TMEM132D: variants seen among roughly 807,000 people sequenced by gnomAD.
The protein encoded by TMEM132D is mature OL transmembrane protein.
A neutral mutation model predicts 62.3 loss-of-function variants in TMEM132D; 21 were observed. That is an observed-to-expected ratio of 0.34 (90% CI 0.24 to 0.49). The LOEUF is 0.49. Among genes scored for constraint, TMEM132D ranks in the 20% least tolerant of loss-of-function variants. The pLI is 0.99. For missense variants in TMEM132D, 1,346 were observed against 1,402.8 expected (o/e 0.96, Z 0.65); for synonymous variants, 621 against 575.6 (o/e 1.08, Z -1.13).
chr12:129,333,455 A>T (rs1183820893), intron 4 of TMEM132D, among the ~76,000 whole-genome samples: 3 of 152,214 alleles, frequency 2.0e-5, no homozygotes, highest in African/African-American at 7.2e-5. Context: ...TGGTAGTGTC[A>T]TGGAGATATA....
intron 1 of TMEM132D, among the ~76,000 whole-genome samples, chr12:129,844,224 T>C (rs1873287486): frequency 6.6e-6 from 1 of 152,246 alleles, no homozygotes; most frequent in African/African-American, 2.4e-5. Context: ...ATGACACTTA[T>C]TTTTAATGAC....
rs930568527 is a variant in TMEM132D, at chr12:129,505,343, T to C, written c.1115+25716A>G. Among the ~76,000 whole-genome samples, 5 of 151,916 alleles carry C rather than the reference T, an allele frequency of 3.3e-5. No individual in the cohort carries two copies. The East Asian group carries it at 9.7e-4, about 30-fold the overall frequency. ...CTGCAAGCTCCGCCTCCCGGGTTCA[T>C]GCCATTCTCCTGCCTCAGCCTCCCA... On this transcript the variant is annotated intron_variant, in intron 3 of 8. Coordinates refer to ENST00000422113, the MANE Select transcript of TMEM132D (RefSeq NM_133448.3).
intron 3 of TMEM132D, among the ~76,000 whole-genome samples, chr12:129,471,982 C>T (rs934434937): frequency 6.6e-6 from 1 of 152,212 alleles, no homozygotes; most frequent in African/African-American, 2.4e-5. Flanking sequence ...ATTAATAAGG[C>T]TTAACAGAAT....
At chr12:129,608,496 T>C (rs1189522535) in intron 2 of TMEM132D, among the ~76,000 whole-genome samples, 1 of 152,162 alleles carries the variant, frequency 6.6e-6, no homozygotes, top group Non-Finnish European at 1.5e-5. Context: ...ATTTGGCAAA[T>C]ATCTGACACT....
intron 3 of TMEM132D, among the ~76,000 whole-genome samples, chr12:129,464,002 G>C (rs2137041521): frequency 6.6e-6 from 1 of 150,560 alleles, no homozygotes; most frequent in South Asian, 2.2e-4. Flanking sequence ...TAATGGGATG[G>C]CTGGGTCAAA....
At position 129,073,794 on chromosome 12, in the gene TMEM132D, T is replaced by C; in HGVS notation, c.*81A>G. 1 of 1,277,836 alleles carries C rather than the reference T, an allele frequency of 7.8e-7. No homozygotes were observed. Among genetic ancestry groups the C allele is most frequent in the Non-Finnish European group, 1.1e-6 (1 of 920,374 alleles). 79.2% of individuals were successfully genotyped at this position (1,277,836 alleles called of 1,614,324 possible). On this transcript the variant is annotated 3_prime_UTR_variant, in exon 9 of 9. Coordinates refer to ENST00000422113, the MANE Select transcript of TMEM132D (RefSeq NM_133448.3). Reference sequence around the variant, plus strand: ...TTATTTTGTCCTGCTGCTTTGTTTCTCTTCCGGGGGCACCGTTGCTACACA... The same window carrying C: ...TTATTTTGTCCTGCTGCTTTGTTTCCCTTCCGGGGGCACCGTTGCTACACA...
At chr12:129,278,788 A>C (rs1252460731) in intron 4 of TMEM132D, among the ~76,000 whole-genome samples, 1 of 152,228 alleles carries the variant, frequency 6.6e-6, no homozygotes, top group East Asian at 1.9e-4. Context: ...AGAAATTAGC[A>C]GGAGACAGGA....
intron 2 of TMEM132D, among the ~76,000 whole-genome samples, chr12:129,588,627 T>C (rs982396443): frequency 2.6e-5 from 4 of 151,780 alleles, no homozygotes; most frequent in Admixed American, 6.6e-5. Context: ...CAGGCTGGAG[T>C]GCAGTGGCGC....
intron 3 of TMEM132D, among the ~76,000 whole-genome samples, chr12:129,420,789 C>T (rs1872295707): frequency 1.3e-5 from 2 of 152,128 alleles, no homozygotes; most frequent in African/African-American, 4.8e-5. Context: ...TACCTTTTGA[C>T]ATTGAACACT....
At chr12:129,182,077 G>C (rs752916898) in intron 5 of TMEM132D, among the ~76,000 whole-genome samples, 1 of 152,128 alleles carries the variant, frequency 6.6e-6, no homozygotes, top group East Asian at 1.9e-4. Context: ...AGAAAGAGGA[G>C]CTGGCCAGGC....
intron 4 of TMEM132D, among the ~76,000 whole-genome samples, chr12:129,303,060 A>G (rs1218432739): frequency 6.6e-6 from 1 of 152,138 alleles, no homozygotes; most frequent in Non-Finnish European, 1.5e-5. Flanking sequence ...TGTTCAATCC[A>G]TCAGCAAGCA....
At chr12:129,473,023 C>T (rs1325165527) in intron 3 of TMEM132D, among the ~76,000 whole-genome samples, 1 of 152,106 alleles carries the variant, frequency 6.6e-6, no homozygotes, top group Non-Finnish European at 1.5e-5. Flanking sequence ...TGCCACCACG[C>T]CCGGCTAATT....
intron 4 of TMEM132D, among the ~76,000 whole-genome samples, chr12:129,256,624 G>A (rs1880407480): frequency 1.3e-5 from 2 of 152,170 alleles, no homozygotes; most frequent in South Asian, 4.1e-4. Context: ...GTTTCGCGAT[G>A]TTGGCTAGGC....
At chr12:129,631,481 T>G (rs908630197) in intron 2 of TMEM132D, among the ~76,000 whole-genome samples, 1 of 152,212 alleles carries the variant, frequency 6.6e-6, no homozygotes, top group African/African-American at 2.4e-5. Context: ...CTCGAGAAGT[T>G]GCACACTAAC....
chr12:129,901,828 G>T (rs898038473), intron 1 of TMEM132D, among the ~76,000 whole-genome samples: 1 of 151,450 alleles, frequency 6.6e-6, no homozygotes, highest in Non-Finnish European at 1.5e-5. Flanking sequence ...ACACAAAGAA[G>T]TCTGGACCTA....
At chr12:129,410,992 T>A (rs1871953126) in intron 3 of TMEM132D, among the ~76,000 whole-genome samples, 1 of 77,884 alleles carries the variant, frequency 1.3e-5, no homozygotes, top group East Asian at 9.7e-4. Flanking sequence ...AGAACTTCAT[T>A]TTAAATTTTT....
chr12:129,596,968 T>G lies in TMEM132D; in HGVS notation c.969-65763A>C, dbSNP rs1214051492. 5.3e-5 allele frequency among the ~76,000 whole-genome samples: 8 copies of G among 152,196 alleles called. No homozygotes were observed. In the South Asian group the frequency reaches 1.7e-3, roughly 32 times the overall value. ...GATGTGAAGAGAACACTTCAACCAA[T>G]GCACCTACACGTTCTAAATGCTATG... On this transcript the variant is annotated intron_variant, in intron 2 of 8. Coordinates refer to ENST00000422113, the MANE Select transcript of TMEM132D (RefSeq NM_133448.3).
intron 2 of TMEM132D, among the ~76,000 whole-genome samples, chr12:129,560,061 G>A (rs1173240502): frequency 3.9e-5 from 6 of 152,194 alleles, no homozygotes; most frequent in Admixed American, 6.5e-5. Context: ...AATGTGAAAA[G>A]TGTAACGCTG....
intron 3 of TMEM132D, among the ~76,000 whole-genome samples, chr12:129,407,311 AC>A (rs1158199665): frequency 6.6e-6 from 1 of 152,166 alleles, no homozygotes; most frequent in Non-Finnish European, 1.5e-5. Flanking sequence ...AAAATACAAC[AC>A]AACACTTGTA....
Sources: allele counts gnomAD v4.1 joint callset (sites outside exome capture counted in the v4.1 genomes callset), GRCh38; gene constraint gnomAD v4.1.1; transcripts MANE v1.5; gene names NCBI Gene and HGNC (gene_info 2026-07-23, HGNC 2026-07-21).